Variants in RTTN observed in about 807,000 individuals in gnomAD.
RTTN encodes the protein rotatin.
RTTN carries 182 observed loss-of-function variants against 269.2 expected under a neutral mutation model. That is an observed-to-expected ratio of 0.68 (90% CI 0.60 to 0.76). RTTN has a LOEUF of 0.76. Among genes scored for constraint, RTTN ranks in the 30% least tolerant of loss-of-function variants. The pLI is 0.00. For missense variants in RTTN, 2,545 were observed against 2,608.6 expected, an observed-to-expected ratio of 0.98 and a Z score of 0.53; for synonymous variants, 1,006 against 963.5, an observed-to-expected ratio of 1.04 and a Z score of -0.82.
intron 10 of RTTN, among the ~76,000 whole-genome samples, chr18:70,182,606 C>T (rs1156812490): frequency 6.6e-6 from 1 of 152,024 alleles, no homozygotes; most frequent in Non-Finnish European, 1.5e-5. Flanking sequence ...GCAAGGTTAT[C>T]AGATGACAAT....
chr18:70,191,073 A>G (rs2061659656), intron 8 of RTTN, among the ~76,000 whole-genome samples: 1 of 152,152 alleles, frequency 6.6e-6, no homozygotes, highest in Non-Finnish European at 1.5e-5. Flanking sequence ...ACACACCTGT[A>G]ATCCCAGCTA....
intron 40 of RTTN, among the ~76,000 whole-genome samples, chr18:70,033,497 A>T (rs1285410129): frequency 6.6e-6 from 1 of 152,220 alleles, no homozygotes; most frequent in Non-Finnish European, 1.5e-5. Flanking sequence ...AATGAAATTA[A>T]GGCAGAAATC....
chr18:70,020,905 C>G, intron 44 of RTTN, 88 bp from the exon 45 acceptor site: 1 of 1,088,562 alleles, frequency 9.2e-7, no homozygotes, highest in South Asian at 1.5e-5. Flanking sequence ...ATCTGTCTAA[C>G]AAAATGACTA....
intron 10 of RTTN, among the ~76,000 whole-genome samples, chr18:70,178,187 C>A (rs1044723515): frequency 6.6e-6 from 1 of 152,158 alleles, no homozygotes; most frequent in Non-Finnish European, 1.5e-5. Flanking sequence ...CAAGATCACA[C>A]CACTGCTCTC....
rs755055514 is a variant in RTTN, at chr18:70,145,756, T to G, written c.2337A>C (p.Leu779Phe). The G allele has an allele frequency of 6.2e-7, 1 of 1,612,246 alleles. No individual in the cohort carries two copies. The highest frequency in any genetic ancestry group is 8.5e-7 in the Non-Finnish European group (1 of 1,179,356). The change falls in exon 18 of 49, where the codon TTA (leucine) becomes TTC (phenylalanine). Residue 779 changes from leucine to phenylalanine, a missense_variant. Leu to Phe is a conservative substitution (Grantham distance 22). Transcript: ENST00000640769. ...CTTCTTCACTGGTAAGATGGAATGCTAAAAGCTTTAATGCTAGCGAACGGA... is the reference window on the plus strand; with the variant it reads ...CTTCTTCACTGGTAAGATGGAATGCGAAAAGCTTTAATGCTAGCGAACGGA... ...PSVRSLALKL[L>F]AFHLTSEEGA...
At chr18:70,179,683 A>C (rs964575758) in intron 10 of RTTN, among the ~76,000 whole-genome samples, 3 of 152,242 alleles carry the variant, frequency 2.0e-5, no homozygotes, top group Non-Finnish European at 4.4e-5. Context: ...AAAATGTCTT[A>C]AATATTACCA....
At chr18:70,094,613 C>T (rs935922256) in intron 28 of RTTN, among the ~76,000 whole-genome samples, 2 of 152,174 alleles carry the variant, frequency 1.3e-5, no homozygotes, top group African/African-American at 2.4e-5. Flanking sequence ...TTTCTCAATG[C>T]TGACTTCTAA....
At chr18:70,122,129 A>G (rs1001853878) in intron 25 of RTTN, among the ~76,000 whole-genome samples, 4 of 151,972 alleles carry the variant, frequency 2.6e-5, no homozygotes, top group Non-Finnish European at 5.9e-5. Context: ...AGTGAGGGGG[A>G]AAAAAAGGCC....
rs77163113 is a variant in RTTN, at chr18:70,048,210, T to C, written c.5324-22A>G. On this transcript the variant is annotated intron_variant, in intron 39 of 48. Coordinates refer to ENST00000640769, the MANE Select transcript of RTTN (RefSeq NM_173630.4). ...ATATCTAAAGGAATAATTTCAGATG[T>C]GAATGTTTGAAAATTTCTTCAAAAT... is the stretch of plus-strand genomic sequence containing the variant. The C allele has an allele frequency of 1.8e-4, 282 of 1,584,524 alleles. 4 individuals carry two copies. In the East Asian group the frequency reaches 5.5e-3, roughly 31 times the overall value.
At chr18:70,042,612 G>A (rs1187910992) in intron 40 of RTTN, among the ~76,000 whole-genome samples, 3 of 151,822 alleles carry the variant, frequency 2.0e-5, no homozygotes, top group Non-Finnish European at 2.9e-5. Context: ...TCCTGACCTC[G>A]TGATCCGCCC....
chr18:70,012,141 C>T (rs1194957929), intron 46 of RTTN, among the ~76,000 whole-genome samples: 40 of 86,206 alleles, frequency 4.6e-4, no homozygotes, highest in African/African-American at 1.3e-3. Flanking sequence ...TGGTGTTAGA[C>T]AGAGGGCAGC....
intron 32 of RTTN, among the ~76,000 whole-genome samples, chr18:70,082,815 T>A (rs2058605077): frequency 6.6e-6 from 1 of 151,940 alleles, no homozygotes; most frequent in Non-Finnish European, 1.5e-5. Flanking sequence ...CTCAGTCTCC[T>A]GAGTAGCTAG....
At position 70,148,904 on chromosome 18, in the gene RTTN, G is replaced by A; in HGVS notation, c.2306C>T (p.Pro769Leu). Residue 769 changes from proline to leucine, a missense_variant, in exon 17 of 49, where the codon CCA becomes CTA. Pro to Leu is a moderately conservative substitution (Grantham distance 98). Coordinates refer to ENST00000640769, the MANE Select transcript of RTTN (RefSeq NM_173630.4). ...CACAAGATTACGTTGTACTCACGAT[G>A]GCTTTTTCACTAGCAAAAGTCGCAG... ...SMLRLLLVKK[P>L]SVRSLALKLL... 1 of 1,613,328 alleles carries A rather than the reference G, an allele frequency of 6.2e-7. No individual in the cohort carries two copies. Among genetic ancestry groups the A allele is most frequent in the South Asian group, 1.1e-5 (1 of 91,046 alleles).
chr18:70,185,768 T>A (rs1438394302), intron 10 of RTTN, among the ~76,000 whole-genome samples: 1 of 152,026 alleles, frequency 6.6e-6, no homozygotes, highest in East Asian at 1.9e-4. Flanking sequence ...CTAAGGGATC[T>A]ACCAGAAAAC....
chr18:70,204,320 C>G (rs1319760043), intron 2 of RTTN, 57 bp from the exon 3 acceptor site: 2 of 1,456,918 alleles, frequency 1.4e-6, no homozygotes, highest in Non-Finnish European at 1.9e-6. Flanking sequence ...CTATAACTTA[C>G]AGCAATCAAA....
intron 10 of RTTN, 124 bp from the exon 11 acceptor site, chr18:70,176,969 A>C: frequency 1.5e-6 from 1 of 676,656 alleles, no homozygotes; most frequent in Non-Finnish European, 2.3e-6. Flanking sequence ...AAATCAAAAC[A>C]GAATTTATTC....
In RTTN at chr18:70,109,678, C is replaced by G. The variant is rs552422702; in HGVS notation, c.3723G>C (p.Leu1241=). The part of the protein sequence containing the change: ...SELLYVFQTQ[L]ALKLLQCLKV... The stretch of plus-strand genomic sequence containing the variant: ...TCAGACACTGGAGCAGTTTCAGAGC[C>G]AGCTGCGTTTGAAAAACGTAAAGAA... The change falls in exon 28 of 49, where the codon CTG becomes CTC. Residue 1241 remains leucine, a synonymous_variant. Transcript: ENST00000640769. The G allele has an allele frequency of 5.0e-6, 8 of 1,614,004 alleles. No homozygotes were observed. The South Asian group carries it at 7.7e-5, about 16-fold the overall frequency.
intron 26 of RTTN, among the ~76,000 whole-genome samples, chr18:70,116,116 A>T (rs1345259177): frequency 6.6e-6 from 1 of 152,034 alleles, no homozygotes; most frequent in African/African-American, 2.4e-5. Context: ...AATCATAAAA[A>T]TAAATAAATT....
chr18:70,114,696 A>G, intron 26 of RTTN, 97 bp from the exon 27 acceptor site: 2 of 999,250 alleles, frequency 2.0e-6, no homozygotes, highest in Non-Finnish European at 2.9e-6. Context: ...AGTAAGAGCT[A>G]TATTACCTAA....
Sources: gnomAD v4.1 joint callset for allele counts (sites outside exome capture counted in the v4.1 genomes callset) on GRCh38, gnomAD v4.1.1 for gene constraint, MANE v1.5 for transcripts, NCBI Gene and HGNC (gene_info 2026-07-23, HGNC 2026-07-21) for gene names.